Variants in VWF observed in about 807,000 individuals in gnomAD.
The protein encoded by VWF is Factor VIII related antigen.
Under a neutral mutation model 308.6 loss-of-function variants are expected in VWF, and 176 were observed. The ratio of observed to expected loss-of-function variants is 0.57; its 90% confidence interval spans 0.50 to 0.65. The LOEUF (loss-of-function observed/expected upper bound fraction) is 0.65. VWF is among the 30% of genes least tolerant of loss of function. The pLI, the probability that VWF is intolerant of heterozygous loss-of-function variation, is 0.00. For missense variants in VWF, 3,146 were observed against 3,648.2 expected, an observed-to-expected ratio of 0.86 and a Z score of 3.55; for synonymous variants, 1,385 against 1,443.4, an observed-to-expected ratio of 0.96 and a Z score of 0.92.
chr12:5,965,210 C>T lies in VWF; in HGVS notation c.7887+2276G>A, dbSNP rs543578180. Among the ~76,000 whole-genome samples, 43 of 152,270 alleles carry T rather than the reference C, an allele frequency of 2.8e-4. No homozygotes were observed. The Middle Eastern group carries it at 0.014, about 48-fold the overall frequency. ...CCTGCTGAGCAAGTTCCCAGCCAGC[C>T]CCAGAGTTCACTTGTTTAGGTCTGA... On this transcript the variant is annotated intron_variant, in intron 47 of 51. Transcript: ENST00000261405.
chr12:6,069,784 T>A (rs1464637293), intron 10 of VWF, among the ~76,000 whole-genome samples: 1 of 152,234 alleles, frequency 6.6e-6, no homozygotes, highest in African/African-American at 2.4e-5. Context: ...AGAGAATGTC[T>A]TACATCCTCA....
rs1455646217 is a variant in VWF, at chr12:6,085,696, C to T, written c.657+9764G>A. On this transcript the variant is annotated intron_variant, in intron 6 of 51. Transcript: ENST00000261405. ...CATGGACACAGGGAGGGGAACATCA[C>T]ACACCACGGCCTGTGGGCGGGGAGG... Among the ~76,000 whole-genome samples, 4 of 144,628 alleles carry T rather than the reference C, an allele frequency of 2.8e-5. No homozygotes were observed. In the East Asian group the frequency reaches 8.1e-4, roughly 29 times the overall value. 94.9% of individuals were successfully genotyped at this position (144,628 alleles called of 152,430 possible). A position where few individuals can be genotyped will look rare whatever the true frequency, so the allele number is the denominator to read the frequency against.
chr12:6,123,227 A>G lies in VWF; in HGVS notation c.1-31T>C, dbSNP rs200513410. ...AAGAAGCAAGAGACGTGAGCTGGTC[A>G]TTGCTGCCCAGGTAGGCGGCTGCTG... On this transcript the variant is annotated intron_variant, in intron 1 of 51. Transcript: ENST00000261405. 210 of 1,614,066 alleles carry G rather than the reference A, an allele frequency of 1.3e-4. No homozygotes were observed. The African/African-American group carries it at 2.5e-3, about 20-fold the overall frequency.
At chr12:6,085,769 C>A (rs967011201) in intron 6 of VWF, among the ~76,000 whole-genome samples, 1 of 152,098 alleles carries the variant, frequency 6.6e-6, no homozygotes, top group South Asian at 2.1e-4. Flanking sequence ...TTAGGACAAA[C>A]ACCTAATGCA....
intron 38 of VWF, among the ~76,000 whole-genome samples, chr12:5,988,847 AC>A (rs1033911243): frequency 9.9e-5 from 15 of 152,158 alleles, no homozygotes; most frequent in Admixed American, 5.9e-4. Flanking sequence ...CCAGGCCAGA[AC>A]CGGTATGAGA....
At position 6,057,920 on chromosome 12, in the gene VWF, C is replaced by T; in HGVS notation, c.1658G>A (p.Trp553Ter). Residue 553 changes from tryptophan (W) to a stop codon, truncating the protein, a stop_gained, in exon 14 of 52, where the codon TGG becomes TAG. Coordinates refer to ENST00000261405, the MANE Select transcript of VWF (RefSeq NM_000552.5). LOFTEE classifies it high-confidence loss of function. ...EPRVEDFGNAWKLHGDCQDLQ... is the reference protein window; with the variant it reads ...EPRVEDFGNA ...GTCCTGGCAGTCCCCGTGCAGCTTC[C>T]AGGCGTTCCCGAAGTCCTCCACCCG... 1 of 1,613,656 alleles carries T rather than the reference C, an allele frequency of 6.2e-7. No homozygotes were observed. The highest frequency in any genetic ancestry group is 2.2e-5 in the East Asian group (1 of 44,858).
Position 6,019,809 on chromosome 12 carries a change from A to C in VWF, c.3675-66T>G, listed in dbSNP as rs1477256510. 5.7e-5 allele frequency: 87 copies of C among 1,522,770 alleles called. No individual in the cohort carries two copies. Among genetic ancestry groups the C allele is most frequent in the Non-Finnish European group, 7.2e-5 (81 of 1,126,720 alleles). The allele number at this position is 1,522,770 out of a possible 1,614,324, so 94.3% of individuals were successfully genotyped here. ...ACCTGTGGACACTTCTGAGCCCTAC[A>C]GTGTACAATGACTTCCATATTCCCA... On this transcript the variant is annotated intron_variant, in intron 27 of 51. Transcript: ENST00000261405. The surrounding 1 kb of genome is among the most constrained non-coding windows in gnomAD (Gnocchi z 5.8).
At chr12:5,973,906 C>T (rs1044197153) in intron 43 of VWF, among the ~76,000 whole-genome samples, 25 of 152,166 alleles carry the variant, frequency 1.6e-4, no homozygotes, top group Non-Finnish European at 3.7e-4. Context: ...TCACTATGGA[C>T]ATGGAAGCAA....
chr12:6,013,776 G>A, intron 31 of VWF, 131 bp from the exon 32 acceptor site: 1 of 1,023,452 alleles, frequency 9.8e-7, no homozygotes, highest in Non-Finnish European at 1.5e-6. Context: ...AGCCCTATGA[G>A]GAAGATGTTC....
In VWF at chr12:6,057,008, G is replaced by A. The variant is rs35302737; in HGVS notation, c.1794C>T (p.Ala598=). The A allele has an allele frequency of 4.0e-3, 6,133 of 1,549,318 alleles. 160 individuals carry two copies. The African/African-American group carries it at 0.065, about 16-fold the overall frequency. ...TSPTFEACHR[A]VSPLPYLRNC... is the part of the protein sequence containing the mutation. ...TCCGCAGGTAGGGCAGCGGGCTGAC[G>A]GCACGATGGCAGGCCTCGAATGTGG... is the stretch of plus-strand genomic sequence containing the variant. The change falls in exon 15 of 52, where the codon GCC becomes GCT. Residue 598 remains alanine, a synonymous_variant. Coordinates refer to ENST00000261405, the MANE Select transcript of VWF (RefSeq NM_000552.5).
intron 3 of VWF, among the ~76,000 whole-genome samples, chr12:6,114,749 G>A (rs1026382721): frequency 4.6e-5 from 7 of 152,158 alleles, no homozygotes; most frequent in Admixed American, 3.3e-4. Flanking sequence ...GGCTGAGCCT[G>A]TGTGAGGCAG....
Position 5,971,712 on chromosome 12 carries a change from G to C in VWF, c.7438-3C>G, listed in dbSNP as rs111636207. 6.2e-7 allele frequency: 1 copy of C among 1,613,896 alleles called. No homozygotes were observed. Among genetic ancestry groups the C allele is most frequent in the African/African-American group, 1.3e-5 (1 of 75,064 alleles). ...TCATGCAGAACGTAAGTGAAGCCCT[G>C]GAAAAGCAGAAAAAACAGAGTAAGG... On this transcript the variant is annotated splice_polypyrimidine_tract_variant and splice_region_variant and intron_variant, in intron 43 of 51. Transcript: ENST00000261405.
chr12:6,123,151 T>C lies in VWF; in HGVS notation c.46A>G (p.Ile16Val), dbSNP rs1945449279. Reference protein sequence around the residue: ...FAGVLLALALILPGTLCAEGT... With the variant: ...FAGVLLALALVLPGTLCAEGT... Reference sequence around the variant, plus strand: ...GCCCTTTTGTACCTACCTGGCAAAATGAGGGCCAGAGCAAGCAGCACCCCG... The same window carrying C: ...GCCCTTTTGTACCTACCTGGCAAAACGAGGGCCAGAGCAAGCAGCACCCCG... The change falls in exon 2 of 52, where the codon ATT becomes GTT. Residue 16 changes from isoleucine to valine, a missense_variant. Transcript: ENST00000261405. 1 of 1,614,040 alleles carries C rather than the reference T, an allele frequency of 6.2e-7. No homozygotes were observed. The highest frequency in any genetic ancestry group is 1.3e-5 in the African/African-American group (1 of 75,004).
At chr12:5,989,432 A>G (rs544832618) in intron 38 of VWF, among the ~76,000 whole-genome samples, 16 of 152,228 alleles carry the variant, frequency 1.1e-4, no homozygotes, top group Non-Finnish European at 1.6e-4. Flanking sequence ...TTTGAAAGTC[A>G]AAGTTGAAAA....
At chr12:6,012,683 G>GTC (rs1491413461) in intron 32 of VWF, among the ~76,000 whole-genome samples, 1 of 120,930 alleles carries the variant, frequency 8.3e-6, no homozygotes, top group Admixed American at 7.7e-5. Flanking sequence ...CAAAAAAAGC[G>GTC]TGTGTGTGTG....
intron 47 of VWF, among the ~76,000 whole-genome samples, chr12:5,956,723 T>C (rs1049415535): frequency 6.7e-6 from 1 of 150,328 alleles, no homozygotes; most frequent in African/African-American, 2.4e-5. Context: ...AAAGAAAAAA[T>C]ATTTTTGTAC....
At chr12:5,983,081 A>G (rs567972645) in intron 41 of VWF, 69 bp downstream of exon 41, 1 of 1,469,196 alleles carries the variant, frequency 6.8e-7, no homozygotes, top group South Asian at 1.2e-5. Flanking sequence ...GAGGTCCCTG[A>G]GGAGGATGGC....
At chr12:6,118,234 A>C (rs916833859) in intron 3 of VWF, among the ~76,000 whole-genome samples, 1 of 151,986 alleles carries the variant, frequency 6.6e-6, no homozygotes, top group Non-Finnish European at 1.5e-5. Context: ...CTAAGGTATT[A>C]GTATGTGTTG....
At chr12:5,983,401 G>GGATGGATAGATA (rs1555191774) in intron 40 of VWF, 147 bp from the exon 41 acceptor site, 2 of 466,064 alleles carry the variant, frequency 4.3e-6, no homozygotes, top group Admixed American at 3.1e-5. Flanking sequence ...ACATGGGTTA[G>GGATGGATAGATA]GATAGATAGA....
Sources: allele counts gnomAD v4.1 joint callset (sites outside exome capture counted in the v4.1 genomes callset), GRCh38; gene constraint gnomAD v4.1.1; non-coding constraint Gnocchi (gnomAD v3.1); transcripts MANE v1.5; gene names NCBI Gene and HGNC (gene_info 2026-07-23, HGNC 2026-07-21).